DSCAM: variants seen among roughly 807,000 people sequenced by gnomAD.
The protein encoded by DSCAM is DS cell adhesion molecule, also known as cell adhesion molecule DSCAM.
DSCAM carries 47 observed loss-of-function variants against 217.7 expected under a neutral mutation model. The observed-to-expected ratio is 0.22, with a 90% CI of 0.17 to 0.28. DSCAM has a LOEUF of 0.28. Among genes scored for constraint, DSCAM ranks in the 10% least tolerant of loss-of-function variants. The pLI is 1.00. For synonymous variants in DSCAM, 1,056 were observed against 1,015.3 expected (o/e 1.04, Z -0.76); for missense variants, 2,080 against 2,618.3 (o/e 0.79, Z 4.49).
intron 3 of DSCAM, among the ~76,000 whole-genome samples, chr21:40,591,119 T>C (rs1279235932): frequency 6.6e-6 from 1 of 152,136 alleles, no homozygotes; most frequent in Non-Finnish European, 1.5e-5. Flanking sequence ...TTTAGGTGTT[T>C]GGTAGAACTT....
intron 3 of DSCAM, among the ~76,000 whole-genome samples, chr21:40,410,702 G>T (rs2075314918): frequency 6.6e-6 from 1 of 151,382 alleles, no homozygotes; most frequent in South Asian, 2.1e-4. Flanking sequence ...AGACAATGGG[G>T]TGACACTTGT....
chr21:40,586,394 G>A (rs191413889), intron 3 of DSCAM, among the ~76,000 whole-genome samples: 2 of 152,300 alleles, frequency 1.3e-5, no homozygotes, highest in Admixed American at 1.3e-4. Flanking sequence ...TTGTTTGACT[G>A]TTCTGTGTCC....
chr21:40,667,252 C>G (rs1371649762), intron 3 of DSCAM, among the ~76,000 whole-genome samples: 2 of 152,152 alleles, frequency 1.3e-5, no homozygotes, highest in Non-Finnish European at 2.9e-5. Context: ...TGTTTCCCTC[C>G]CCACCTTCAC....
chr21:40,677,800 G>A (rs192564171), intron 3 of DSCAM, among the ~76,000 whole-genome samples: 276 of 152,124 alleles, frequency 1.8e-3, no homozygotes, highest in Non-Finnish European at 3.4e-3. Flanking sequence ...GTGAGAAAAT[G>A]AGAAGACAGC....
At chr21:40,786,777 C>A (rs1601258519) in intron 1 of DSCAM, among the ~76,000 whole-genome samples, 3 of 152,288 alleles carry the variant, frequency 2.0e-5, no homozygotes. Context: ...GTCGTAATCA[C>A]TAATATTTAT....
At chr21:40,266,303 C>T (rs1355217533) in intron 11 of DSCAM, among the ~76,000 whole-genome samples, 3 of 152,014 alleles carry the variant, frequency 2.0e-5, no homozygotes, top group Non-Finnish European at 2.9e-5. Context: ...CAATGAGATA[C>T]GACCTTCCCC....
At chr21:40,598,738 T>A (rs1203125655) in intron 3 of DSCAM, among the ~76,000 whole-genome samples, 1 of 151,744 alleles carries the variant, frequency 6.6e-6, no homozygotes, top group East Asian at 1.9e-4. Flanking sequence ...CTCTTGACCT[T>A]GTGATCTGCC....
chr21:40,558,732 T>A (rs2076692745), intron 3 of DSCAM, among the ~76,000 whole-genome samples: 1 of 152,242 alleles, frequency 6.6e-6, no homozygotes, highest in Admixed American at 6.5e-5. Context: ...TCTCTCTGTA[T>A]ATTGTAAATC....
At chr21:40,066,340 C>A (rs1434978369) in intron 27 of DSCAM, among the ~76,000 whole-genome samples, 1 of 152,236 alleles carries the variant, frequency 6.6e-6, no homozygotes, top group Non-Finnish European at 1.5e-5. Flanking sequence ...AAGTCATTTG[C>A]CAGCTGTTCA....
intron 1 of DSCAM, among the ~76,000 whole-genome samples, chr21:40,736,073 C>G (rs556463754): frequency 6.0e-4 from 92 of 152,218 alleles, no homozygotes; most frequent in Non-Finnish European, 1.1e-3. Context: ...GAACTGCTCA[C>G]AAAACTCAGG....
At chr21:40,363,440 A>G (rs1478017951) in intron 4 of DSCAM, among the ~76,000 whole-genome samples, 1 of 151,662 alleles carries the variant, frequency 6.6e-6, no homozygotes, top group Admixed American at 6.6e-5. Flanking sequence ...TTTAGTAGAG[A>G]TGGGGTTTCA....
At chr21:40,695,062 T>C (rs1041472959) in intron 2 of DSCAM, among the ~76,000 whole-genome samples, 2 of 152,184 alleles carry the variant, frequency 1.3e-5, no homozygotes, top group African/African-American at 4.8e-5. Context: ...GTCTGTGTGA[T>C]GCTTGTTTCT....
chr21:40,271,576 A>C (rs1007393533), intron 11 of DSCAM, among the ~76,000 whole-genome samples: 5 of 152,178 alleles, frequency 3.3e-5, no homozygotes, highest in African/African-American at 1.2e-4. Context: ...AAGGAAATTA[A>C]ATTTTGGGAC....
intron 3 of DSCAM, among the ~76,000 whole-genome samples, chr21:40,503,295 C>T (rs1486396543): frequency 2.6e-4 from 40 of 152,164 alleles, no homozygotes; most frequent in Admixed American, 2.6e-3. Flanking sequence ...TGTATTCACT[C>T]ACCGCCTGAT....
chr21:40,781,914 C>T (rs1316102487), intron 1 of DSCAM, among the ~76,000 whole-genome samples: 3 of 137,712 alleles, frequency 2.2e-5, no homozygotes, highest in African/African-American at 8.3e-5. Flanking sequence ...TTTGGGAGGC[C>T]GAGGTGGGCG....
chr21:40,378,226 C>A (rs533538946), intron 3 of DSCAM, among the ~76,000 whole-genome samples: 2 of 152,210 alleles, frequency 1.3e-5, no homozygotes, highest in African/African-American at 4.8e-5. Context: ...AATTGCTGAA[C>A]AAAATTTACT....
At position 40,846,607 on chromosome 21, in the gene DSCAM, C is replaced by T; in HGVS notation, c.43+12G>A. On this transcript the variant is annotated intron_variant, in intron 1 of 32. Coordinates refer to ENST00000400454, the MANE Select transcript of DSCAM (RefSeq NM_001389.5). Reference sequence around the variant, plus strand: ...TAAGGAAACGAAATTCATCACAAACCGAAAGGCTCACCATTCGCGAAGCTC... The same window carrying T: ...TAAGGAAACGAAATTCATCACAAACTGAAAGGCTCACCATTCGCGAAGCTC... 7.9e-7 allele frequency: 1 copy of T among 1,265,794 alleles called. No homozygotes were observed. The highest frequency in any genetic ancestry group is 1.0e-6 in the Non-Finnish European group (1 of 996,028). 78.4% of individuals were successfully genotyped at this position (1,265,794 alleles called of 1,614,324 possible).
At chr21:40,237,845 C>T (rs907225367) in intron 11 of DSCAM, among the ~76,000 whole-genome samples, 4 of 152,162 alleles carry the variant, frequency 2.6e-5, no homozygotes, top group Non-Finnish European at 5.9e-5. Context: ...TGGCCTCTTG[C>T]CTCTCTGTTA....
At chr21:40,258,328 T>G (rs1204418358) in intron 11 of DSCAM, among the ~76,000 whole-genome samples, 3 of 152,186 alleles carry the variant, frequency 2.0e-5, no homozygotes, top group Non-Finnish European at 4.4e-5. Flanking sequence ...GGCCTAGAAA[T>G]GTTATTCTCA....
Sources: allele counts gnomAD v4.1 joint callset (sites outside exome capture counted in the v4.1 genomes callset), GRCh38; gene constraint gnomAD v4.1.1; transcripts MANE v1.5; gene names NCBI Gene and HGNC (gene_info 2026-07-23, HGNC 2026-07-21).